The following CNST variants were observed in gnomAD, a reference collection of about 807,000 sequenced individuals.
The protein encoded by CNST is consortin.
A neutral mutation model predicts 72.4 loss-of-function variants in CNST; 39 were observed. The observed-to-expected ratio is 0.54, with a 90% CI of 0.42 to 0.70. The LOEUF is 0.70. CNST is among the 30% of genes least tolerant of loss of function. CNST has a pLI of 0.00. For synonymous variants in CNST, 332 were observed against 320.1 expected (o/e 1.04, Z -0.40); for missense variants, 871 against 868.5 (o/e 1.00, Z -0.04).
At chr1:246,633,799 A>G (rs115654638) in intron 4 of CNST, 125 bp from the exon 5 acceptor site, 7,099 of 591,438 alleles carry the variant, frequency 0.012, 69 homozygotes, top group Middle Eastern at 0.024. Flanking sequence ...AAATTTAAAA[A>G]TATTTAGAGT....
chr1:246,583,853 G>A (rs1660959129), intron 1 of CNST, among the ~76,000 whole-genome samples: 1 of 152,202 alleles, frequency 6.6e-6, no homozygotes, highest in East Asian at 1.9e-4. Flanking sequence ...CATTCAAAGG[G>A]CAACATTATA....
intron 1 of CNST, among the ~76,000 whole-genome samples, chr1:246,569,485 T>G (rs1319312535): frequency 6.6e-6 from 1 of 152,168 alleles, no homozygotes; most frequent in East Asian, 1.9e-4. Context: ...TGGGGTAAAT[T>G]AAAAACTCCT....
intron 9 of CNST, among the ~76,000 whole-genome samples, chr1:246,655,443 A>G (rs754507986): frequency 6.6e-6 from 1 of 152,180 alleles, no homozygotes; most frequent in Non-Finnish European, 1.5e-5. Context: ...TCAATCTGCC[A>G]TAGAAGGAGC....
intron 2 of CNST, among the ~76,000 whole-genome samples, chr1:246,604,071 A>G (rs1015135196): frequency 6.6e-6 from 1 of 152,142 alleles, no homozygotes; most frequent in African/African-American, 2.4e-5. Flanking sequence ...ATCTCTACTA[A>G]AACTACAAAA....
In CNST at chr1:246,656,918, C is replaced by T. The variant is rs373654803; in HGVS notation, c.1837-3281C>T. Among the ~76,000 whole-genome samples, 54 of 152,134 alleles carry T rather than the reference C, an allele frequency of 3.5e-4. 2 individuals are homozygous for T. In the South Asian group the frequency reaches 0.011, roughly 30 times the overall value. On this transcript the variant is annotated intron_variant, in intron 9 of 10. Transcript: ENST00000366513. ...GCACTCCAGCCTGGGCAACAGAGTG[C>T]GACCCTCTCTCAAAAAAAACAGACA...
intron 2 of CNST, among the ~76,000 whole-genome samples, chr1:246,593,181 C>T (rs1248374574): frequency 6.6e-6 from 1 of 152,068 alleles, no homozygotes; most frequent in Non-Finnish European, 1.5e-5. Context: ...CATATTTATT[C>T]AATAAAGTAA....
At chr1:246,605,749 C>CCGGGGTAG (rs1662715767) in intron 2 of CNST, 5 of 38,668 alleles carry the variant, frequency 1.3e-4, no homozygotes, top group African/African-American at 4.1e-4. Flanking sequence ...GGCCGGGGTG[C>CCGGGGTAG]GTGTCTTCCG....
At position 246,642,019 on chromosome 1, in the gene CNST, G is replaced by A. The variant is rs1665729786; in HGVS notation, c.919G>A (p.Ala307Thr). The A allele has an allele frequency of 1.2e-6, 2 of 1,608,334 alleles. No homozygotes were observed. The highest frequency in any genetic ancestry group is 1.3e-5 in the African/African-American group (1 of 74,640). The change falls in exon 8 of 11, where the codon GCT becomes ACT. Residue 307 changes from alanine to threonine, a missense_variant. Ala to Thr is a moderately conservative substitution (Grantham distance 58). Transcript: ENST00000366513. ...GTCTGAAGATCCAAAGGAAGGAGGA[G>A]CTACCACCAAAGAGTCAGGTATGTT... The part of the protein sequence containing the change: ...LVSEDPKEGG[A>T]TTKESESKTC...
At chr1:246,628,313 A>C (rs1161056631) in intron 3 of CNST, among the ~76,000 whole-genome samples, 1 of 152,144 alleles carries the variant, frequency 6.6e-6, no homozygotes, top group African/African-American at 2.4e-5. Flanking sequence ...TAACCATCAC[A>C]ATTGTAAAAA....
intron 1 of CNST, among the ~76,000 whole-genome samples, chr1:246,567,470 C>A (rs1234342366): frequency 6.6e-6 from 1 of 151,950 alleles, no homozygotes; most frequent in Non-Finnish European, 1.5e-5. Flanking sequence ...AGGCAAGAAA[C>A]GGCAGCCAAT....
chr1:246,653,421 G>T (rs1666599867), intron 9 of CNST, among the ~76,000 whole-genome samples: 1 of 152,194 alleles, frequency 6.6e-6, no homozygotes, highest in Non-Finnish European at 1.5e-5. Flanking sequence ...ACAAAAGAGG[G>T]TCTTAGAAAC....
chr1:246,583,494 C>CTT (rs1327592699), intron 1 of CNST, among the ~76,000 whole-genome samples: 1 of 152,118 alleles, frequency 6.6e-6, no homozygotes. Context: ...AGTATCAGCT[C>CTT]TTGTATTTTT....
At chr1:246,605,381 G>A (rs956317985) in intron 2 of CNST, among the ~76,000 whole-genome samples, 1 of 152,194 alleles carries the variant, frequency 6.6e-6, no homozygotes, top group African/African-American at 2.4e-5. Flanking sequence ...TTAAAGAACA[G>A]CCTGGGCCGG....
chr1:246,648,316 T>C, intron 9 of CNST: 1 of 839,298 alleles, frequency 1.2e-6, no homozygotes, highest in South Asian at 4.2e-5. Context: ...GTCCTGACTG[T>C]TATGTGGCAG....
intron 1 of CNST, among the ~76,000 whole-genome samples, chr1:246,578,408 C>G (rs1473650530): frequency 6.6e-6 from 1 of 152,152 alleles, no homozygotes; most frequent in East Asian, 1.9e-4. Flanking sequence ...CGTGGTGGCT[C>G]ACGCCTGTAA....
At position 246,620,818 on chromosome 1, in the gene CNST, G is replaced by A. The variant is rs940286090; in HGVS notation, c.380-611G>A. Among the ~76,000 whole-genome samples, 5 of 148,920 alleles carry A rather than the reference G, an allele frequency of 3.4e-5. No individual in the cohort carries two copies. The East Asian group carries it at 6.0e-4, about 18-fold the overall frequency. On this transcript the variant is annotated intron_variant, in intron 2 of 10. Transcript: ENST00000366513. ...CTCTACAGGGAAGACGGCTTCAGTC[G>A]TGCATACACACGACGGGCTCTGGGC...
intron 2 of CNST, among the ~76,000 whole-genome samples, chr1:246,614,863 A>G (rs1423443691): frequency 2.0e-5 from 3 of 152,130 alleles, no homozygotes; most frequent in South Asian, 4.1e-4. Context: ...TCATTTTCCC[A>G]ATCATGCAAA....
chr1:246,568,853 G>A lies in CNST; in HGVS notation c.-52+2190G>A, dbSNP rs1252452635. ...CAAAGTGCTGGGATTACAGGCGTGA[G>A]CCACCACGCCTTTAAAATACTTTTT... On this transcript the variant is annotated intron_variant, in intron 1 of 10. Transcript: ENST00000366513. Among the ~76,000 whole-genome samples, 4 of 152,292 alleles carry A rather than the reference G, an allele frequency of 2.6e-5. No homozygotes were observed. In the East Asian group the frequency reaches 7.7e-4, roughly 29 times the overall value.
chr1:246,644,261 C>T (rs926596830), intron 8 of CNST, among the ~76,000 whole-genome samples: 5 of 152,010 alleles, frequency 3.3e-5, no homozygotes, highest in African/African-American at 7.3e-5. Context: ...TGGTGGCGGG[C>T]GCCTGTAGTC....
Sources: gnomAD v4.1 joint callset for allele counts (sites outside exome capture counted in the v4.1 genomes callset) on GRCh38, gnomAD v4.1.1 for gene constraint, MANE v1.5 for transcripts, NCBI Gene and HGNC (gene_info 2026-07-23, HGNC 2026-07-21) for gene names.